PHLPP2: variants seen among roughly 807,000 people sequenced by gnomAD.
PHLPP2 encodes the protein PH domain leucine-rich repeat-containing protein phosphatase 2.
A neutral mutation model predicts 124.9 loss-of-function variants in PHLPP2; 66 were observed. That is an observed-to-expected ratio of 0.53 (90% CI 0.43 to 0.65). The LOEUF (loss-of-function observed/expected upper bound fraction) is 0.65. Among genes scored for constraint, PHLPP2 ranks in the 30% least tolerant of loss-of-function variants. The probability of loss-of-function intolerance (pLI) is 0.00; values close to 1 mark genes in which losing one functional copy is unlikely to be tolerated. For synonymous variants in PHLPP2, 681 were observed against 624.7 expected, an observed-to-expected ratio of 1.09 and a Z score of -1.34; for missense variants, 1,685 against 1,600.4, an observed-to-expected ratio of 1.05 and a Z score of -0.90.
chr16:71,707,523 G>C (rs1036181002), intron 2 of PHLPP2, among the ~76,000 whole-genome samples: 14 of 152,076 alleles, frequency 9.2e-5, no homozygotes, highest in Non-Finnish European at 1.6e-4. Context: ...GAAGCACAGG[G>C]GGCTGGAGAC....
At chr16:71,717,202 T>C (rs2045368726) in intron 1 of PHLPP2, among the ~76,000 whole-genome samples, 1 of 152,224 alleles carries the variant, frequency 6.6e-6, no homozygotes, top group Non-Finnish European at 1.5e-5. Flanking sequence ...TAGAAATACC[T>C]ATAAATACAG....
intron 18 of PHLPP2, 53 bp downstream of exon 18, chr16:71,652,737 G>A: frequency 7.6e-7 from 1 of 1,320,184 alleles, no homozygotes. Flanking sequence ...TCTACACAAA[G>A]CAGCCTCCAC....
At chr16:71,692,226 C>T (rs890900675) in intron 3 of PHLPP2, among the ~76,000 whole-genome samples, 3 of 152,044 alleles carry the variant, frequency 2.0e-5, no homozygotes, top group Non-Finnish European at 2.9e-5. Context: ...CCCGCCAACA[C>T]GCCCGGCTAA....
intron 9 of PHLPP2, among the ~76,000 whole-genome samples, chr16:71,673,514 A>G (rs2145330318): frequency 6.6e-6 from 1 of 152,310 alleles, no homozygotes; most frequent in African/African-American, 2.4e-5. Flanking sequence ...CAAAACTGCA[A>G]GTTTTTATGT....
chr16:71,718,728 A>C (rs2045379510), intron 1 of PHLPP2, among the ~76,000 whole-genome samples: 1 of 152,162 alleles, frequency 6.6e-6, no homozygotes, highest in Admixed American at 6.6e-5. Flanking sequence ...ATAAAGATTA[A>C]AACAACAACA....
intron 18 of PHLPP2, 68 bp from the exon 19 acceptor site, chr16:71,650,112 C>T: frequency 8.2e-7 from 1 of 1,219,576 alleles, no homozygotes; most frequent in African/African-American, 1.5e-5. Flanking sequence ...CTTTCTAGAT[C>T]ACAGTGCTTA....
chr16:71,698,537 A>G (rs2045197025), intron 3 of PHLPP2: 3 of 691,830 alleles, frequency 4.3e-6, no homozygotes, highest in Admixed American at 1.8e-5. Flanking sequence ...GGATAGCACA[A>G]AGTCAGAGAC....
At position 71,646,511 on chromosome 16, in the gene PHLPP2, G is replaced by A. The variant is rs868258024; in HGVS notation, c.*2379C>T. On this transcript the variant is annotated 3_prime_UTR_variant, in exon 19 of 19. Transcript: ENST00000568954. ...GGTTCCAATAAGTAGGTTGGGAAAC[G>A]AATAGCAGACAAGAAGGGTTCACCA... is the stretch of plus-strand genomic sequence containing the variant. 2 of 152,068 alleles carry A rather than the reference G, an allele frequency of 1.3e-5. No individual in the cohort carries two copies. The highest frequency in any genetic ancestry group is 2.9e-5 in the Non-Finnish European group (2 of 68,014). The allele number at this position is 152,068 out of a possible 1,614,324, so 9.4% of individuals were successfully genotyped here.
chr16:71,664,292 A>G (rs2044819735), intron 12 of PHLPP2, 193 bp from the exon 13 acceptor site: 1 of 595,334 alleles, frequency 1.7e-6, no homozygotes, highest in Non-Finnish European at 3.0e-6. Context: ...AACTCATGCA[A>G]ACCAAGTAGA....
intron 5 of PHLPP2, 62 bp downstream of exon 5, chr16:71,684,414 C>A: frequency 6.4e-7 from 1 of 1,570,220 alleles, no homozygotes; most frequent in Admixed American, 1.7e-5. Context: ...ACGTGAGCCA[C>A]CACGCCCGGC....
chr16:71,724,562 ACTT>A lies in PHLPP2; in HGVS notation c.-243_-241del, dbSNP rs997939663. ...TTCAGAAAAAAACTTTTAAAAGTTA[ACTT>A]CTTTTCTTTTCTTTGTTTTGTTTTT... On this transcript the variant is annotated 5_prime_UTR_variant, in exon 1 of 19. Transcript: ENST00000568954. The A allele has an allele frequency of 2.6e-5, 4 of 152,142 alleles. No individual in the cohort carries two copies. The highest frequency in any genetic ancestry group is 4.4e-5 in the Non-Finnish European group (3 of 68,042). 9.4% of individuals were successfully genotyped at this position (152,142 alleles called of 1,614,324 possible).
At chr16:71,716,659 A>G (rs1454920769) in intron 1 of PHLPP2, among the ~76,000 whole-genome samples, 1 of 152,142 alleles carries the variant, frequency 6.6e-6, no homozygotes, top group Non-Finnish European at 1.5e-5. Flanking sequence ...AACTACCTGC[A>G]GCTCTCCAAA....
At chr16:71,698,653 C>T in intron 3 of PHLPP2, 3 of 572,832 alleles carry the variant, frequency 5.2e-6, no homozygotes, top group Non-Finnish European at 6.6e-6. Context: ...AGCCATTGTA[C>T]ACTGGGCCTC....
At chr16:71,696,237 A>T (rs1216495878) in intron 3 of PHLPP2, among the ~76,000 whole-genome samples, 1 of 152,208 alleles carries the variant, frequency 6.6e-6, no homozygotes, top group Non-Finnish European at 1.5e-5. Flanking sequence ...GGAAAAGATG[A>T]TACCTGATGT....
intron 13 of PHLPP2, 46 bp from the exon 14 acceptor site, chr16:71,658,861 G>A: frequency 6.4e-7 from 1 of 1,573,576 alleles, no homozygotes; most frequent in Non-Finnish European, 8.7e-7. Context: ...AGACTGAGCA[G>A]CTGCCAAGGA....
At chr16:71,677,363 G>T (rs772696768) in intron 8 of PHLPP2, 1 of 151,632 alleles carries the variant, frequency 6.6e-6, no homozygotes, top group African/African-American at 2.4e-5. Flanking sequence ...TAAGGATGGA[G>T]CCATACTTCT....
At position 71,685,785 on chromosome 16, in the gene PHLPP2, G is replaced by C. The variant is rs118090911; in HGVS notation, c.610-1184C>G. On this transcript the variant is annotated intron_variant, in intron 4 of 18. Transcript: ENST00000568954. ...AGAATCATATAATGTCAAATACTGA[G>C]ACAGATCTGTAAATCTCTCACTGTA... is the stretch of plus-strand genomic sequence containing the variant. Among the ~76,000 whole-genome samples the C allele has an allele frequency of 9.7e-4, 148 of 152,210 alleles. 2 individuals are homozygous for C. In the East Asian group the frequency reaches 0.027, roughly 27 times the overall value.
chr16:71,684,018 C>T (rs1338698652), intron 5 of PHLPP2, among the ~76,000 whole-genome samples: 2 of 151,968 alleles, frequency 1.3e-5, no homozygotes, highest in Non-Finnish European at 2.9e-5. Context: ...TCTGAAACTC[C>T]CGACCTCAGG....
intron 1 of PHLPP2, among the ~76,000 whole-genome samples, chr16:71,719,029 GA>G (rs569646105): frequency 1.3e-5 from 2 of 152,246 alleles, no homozygotes; most frequent in African/African-American, 4.8e-5. Flanking sequence ...TTAACTGCTG[GA>G]AAAACCTTCC....
Sources: allele counts gnomAD v4.1 joint callset (sites outside exome capture counted in the v4.1 genomes callset), GRCh38; gene constraint gnomAD v4.1.1; transcripts MANE v1.5; gene names NCBI Gene and HGNC (gene_info 2026-07-23, HGNC 2026-07-21).